The following LGSN variants were observed in gnomAD, a reference collection of about 807,000 sequenced individuals.
LGSN encodes lengsin.
In LGSN, 21 loss-of-function variants were observed where a neutral mutation model predicts 19.5. That is an observed-to-expected ratio of 1.07 (90% confidence interval 0.76 to 1.55). The LOEUF (loss-of-function observed/expected upper bound fraction) is 1.55, where lower values mean the gene tolerates loss of function less well. Ranked by LOEUF, LGSN falls within the 40% of genes most tolerant of loss-of-function variation. The pLI, the probability that LGSN is intolerant of heterozygous loss-of-function variation, is 0.00. For missense variants in LGSN, 673 were observed against 608.5 expected, an observed-to-expected ratio of 1.11 and a Z score of -1.12; for synonymous variants, 257 against 215.6, an observed-to-expected ratio of 1.19 and a Z score of -1.68.
chr6:63,317,303 T>C (rs973594441), intron 1 of LGSN, among the ~76,000 whole-genome samples: 1 of 152,216 alleles, frequency 6.6e-6, no homozygotes, highest in East Asian at 1.9e-4. Context: ...CTGTAGGCAC[T>C]ATTAATGTCC....
At chr6:63,454,470 C>CTTTTTT in the LGSN span, among the ~76,000 whole-genome samples, 44 of 118,646 alleles carry the variant, frequency 3.7e-4, no homozygotes, top group East Asian at 5.0e-4. Context: ...TTTACATTTT[C>CTTTTTT]TTTTTTTTTT....
At chr6:63,316,835 A>G (rs1768885426) in intron 1 of LGSN, among the ~76,000 whole-genome samples, 2 of 152,032 alleles carry the variant, frequency 1.3e-5, no homozygotes, top group Non-Finnish European at 1.5e-5. Flanking sequence ...ATGTTATGGA[A>G]CTGTTCGTGA....
At chr6:63,340,361 A>G in the LGSN span, among the ~76,000 whole-genome samples, 3 of 152,050 alleles carry the variant, frequency 2.0e-5, no homozygotes, top group African/African-American at 7.2e-5. Flanking sequence ...GATTTTCTAC[A>G]TGTTTCCCCA....
chr6:63,298,776 G>C (rs1404216475), intron 1 of LGSN, among the ~76,000 whole-genome samples: 1 of 152,174 alleles, frequency 6.6e-6, no homozygotes, highest in Non-Finnish European at 1.5e-5. Flanking sequence ...CACACTTTAA[G>C]AACTGCATTT....
At chr6:63,283,688 G>A (rs1720901937) in intron 3 of LGSN, among the ~76,000 whole-genome samples, 1 of 149,344 alleles carries the variant, frequency 6.7e-6, no homozygotes, top group Non-Finnish European at 1.5e-5. Flanking sequence ...ACTTTGCACA[G>A]ATGAATCTTT....
At chr6:63,374,454 GA>G in the LGSN span, among the ~76,000 whole-genome samples, 3 of 152,178 alleles carry the variant, frequency 2.0e-5, no homozygotes, top group Non-Finnish European at 2.9e-5. Context: ...GCAATTCTAA[GA>G]TGTCATTGAT....
the LGSN span, among the ~76,000 whole-genome samples, chr6:63,493,723 T>C: frequency 6.6e-6 from 1 of 152,126 alleles, no homozygotes; most frequent in Non-Finnish European, 1.5e-5. Flanking sequence ...CATGAGCCTA[T>C]TTGTCTGACA....
At chr6:63,563,072 T>C in the LGSN span, among the ~76,000 whole-genome samples, 1 of 152,366 alleles carries the variant, frequency 6.6e-6, no homozygotes, top group East Asian at 1.9e-4. Context: ...TCCACTGTCC[T>C]GATCATAGTC....
the LGSN span, among the ~76,000 whole-genome samples, chr6:63,347,035 C>G: frequency 2.0e-5 from 3 of 152,124 alleles, no homozygotes; most frequent in African/African-American, 7.2e-5. Flanking sequence ...CCAAAAGTTG[C>G]CTCATTAGAA....
At chr6:63,469,808 C>G in the LGSN span, among the ~76,000 whole-genome samples, 1 of 152,260 alleles carries the variant, frequency 6.6e-6, no homozygotes, top group South Asian at 2.1e-4. Context: ...CCTCCACTTC[C>G]CAGGTACAAG....
chr6:63,397,637 C>A, the LGSN span, among the ~76,000 whole-genome samples: 1 of 151,824 alleles, frequency 6.6e-6, no homozygotes, highest in African/African-American at 2.4e-5. Context: ...GATTATGGGC[C>A]AGGTGTGGTG....
chr6:63,320,527 T>A (rs918681637), upstream of LGSN, among the ~76,000 whole-genome samples: 2 of 152,176 alleles, frequency 1.3e-5, no homozygotes, highest in Non-Finnish European at 2.9e-5. Flanking sequence ...AATTCTCCGA[T>A]GTCAGTCTGT....
chr6:63,297,123 C>T (rs774711045), intron 1 of LGSN, among the ~76,000 whole-genome samples: 3 of 151,946 alleles, frequency 2.0e-5, no homozygotes, highest in African/African-American at 4.8e-5. Context: ...GGGTGGATCA[C>T]GAGGTCAGAA....
chr6:63,497,713 A>G, the LGSN span, among the ~76,000 whole-genome samples: 1 of 150,856 alleles, frequency 6.6e-6, no homozygotes, highest in South Asian at 2.1e-4. Flanking sequence ...GGAGGACTAC[A>G]GAAAACTGAC....
rs1361431888 is a variant in LGSN, at chr6:63,286,026, A to G, written c.164-273T>C. Among the ~76,000 whole-genome samples the G allele has an allele frequency of 2.6e-5, 4 of 152,314 alleles. No individual in the cohort carries two copies. In the East Asian group the frequency reaches 7.7e-4, roughly 29 times the overall value. ...ATAAGGATATAGCGATATCATACGT[A>G]GATACTTACTGAAAATCCCTTTGCT... On this transcript the variant is annotated intron_variant, in intron 2 of 3. Coordinates refer to ENST00000370657, the MANE Select transcript of LGSN (RefSeq NM_016571.3).
chr6:63,505,635 A>AAG, the LGSN span, among the ~76,000 whole-genome samples: 2 of 98,090 alleles, frequency 2.0e-5, no homozygotes, highest in African/African-American at 3.4e-5. Context: ...GAAAGAAAGA[A>AAG]ATTCTGGCAT....
the LGSN span, among the ~76,000 whole-genome samples, chr6:63,373,926 G>A: frequency 7.9e-5 from 12 of 152,084 alleles, no homozygotes; most frequent in South Asian, 4.2e-4. Context: ...CAGACAGAGC[G>A]AGACTCTGTC....
chr6:63,333,422 A>AAAAAG, the LGSN span, among the ~76,000 whole-genome samples: 33 of 151,732 alleles, frequency 2.2e-4, no homozygotes, highest in East Asian at 9.7e-4. Context: ...AACCAGGCAA[A>AAAAAG]AAAAGAAAAG....
intron 1 of LGSN, among the ~76,000 whole-genome samples, chr6:63,310,604 A>G (rs1353825075): frequency 1.3e-5 from 2 of 152,228 alleles, no homozygotes; most frequent in Non-Finnish European, 2.9e-5. Context: ...ATCAAGGTTA[A>G]TATACTTTTG....
Sources: gnomAD v4.1 joint callset for allele counts (sites outside exome capture counted in the v4.1 genomes callset) on GRCh38, gnomAD v4.1.1 for gene constraint, MANE v1.5 for transcripts, NCBI Gene and HGNC (gene_info 2026-07-23, HGNC 2026-07-21) for gene names.